The following TNRC6A variants were observed in gnomAD, a reference collection of about 807,000 sequenced individuals.
The protein encoded by TNRC6A is trinucleotide repeat-containing gene 6A protein.
TNRC6A carries 44 observed loss-of-function variants against 221.2 expected under a neutral mutation model. The observed-to-expected ratio is 0.20, with a 90% CI of 0.16 to 0.26. TNRC6A has a LOEUF of 0.26. Ranked by LOEUF, TNRC6A falls within the 10% of genes least tolerant of loss-of-function variation. The pLI, the probability that TNRC6A is intolerant of heterozygous loss-of-function variation, is 1.00. For synonymous variants in TNRC6A, 847 were observed against 838.5 expected (o/e 1.01, Z -0.18); for missense variants, 2,199 against 2,404.4 (o/e 0.91, Z 1.79).
intron 2 of TNRC6A, among the ~76,000 whole-genome samples, chr16:24,654,581 C>A (rs1444831300): frequency 1.3e-5 from 2 of 151,968 alleles, no homozygotes; most frequent in African/African-American, 2.4e-5. Context: ...GTGCTAATGT[C>A]TGTGGCATGC....
chr16:24,743,426 A>G (rs1219250217), intron 2 of TNRC6A, among the ~76,000 whole-genome samples: 3 of 152,084 alleles, frequency 2.0e-5, no homozygotes, highest in African/African-American at 7.2e-5. Context: ...CCCTGGCTCA[A>G]GTGATCTTCC....
Position 24,729,837 on chromosome 16 carries a change from C to T in TNRC6A, c.-5C>T, listed in dbSNP as rs1187205893. 7.2e-7 allele frequency: 1 copy of T among 1,394,020 alleles called. No individual in the cohort carries two copies. The highest frequency in any genetic ancestry group is 9.4e-7 in the Non-Finnish European group (1 of 1,065,062). 86.4% of individuals were successfully genotyped at this position (1,394,020 alleles called of 1,614,324 possible). A position where few individuals can be genotyped will look rare whatever the true frequency, so the allele number is the denominator to read the frequency against. ...GCGCCCCACTTGCTCGTGCACTTTA[C>T]ACACATGAGGTGAGCGGAACAAGGG... On this transcript the variant is annotated 5_prime_UTR_variant, in exon 1 of 25. Transcript: ENST00000395799.
chr16:24,803,236 T>C (rs578238107), intron 11 of TNRC6A, among the ~76,000 whole-genome samples: 1 of 152,060 alleles, frequency 6.6e-6, no homozygotes, highest in African/African-American at 2.4e-5. Flanking sequence ...CTGGCCAACA[T>C]GGGGAAACCC....
chr16:24,736,943 T>G (rs1397767517), intron 2 of TNRC6A, among the ~76,000 whole-genome samples: 1 of 152,232 alleles, frequency 6.6e-6, no homozygotes, highest in East Asian at 1.9e-4. Context: ...TAAAAGTTGC[T>G]TGTTTTCAGC....
chr16:24,823,054 G>C lies in TNRC6A; in HGVS notation c.5513+41G>C. On this transcript the variant is annotated intron_variant, in intron 24 of 24. Coordinates refer to ENST00000395799, the MANE Select transcript of TNRC6A (RefSeq NM_014494.4). The surrounding 1 kb of genome is among the most constrained non-coding windows in gnomAD (Gnocchi z 4.3). The stretch of plus-strand genomic sequence containing the variant: ...GGCTCCCAGTTGGAAGAGTCTAGGG[G>C]AAGGAGTGTGAGAGCACAGCCTGAC... 1 of 1,613,490 alleles carries C rather than the reference G, an allele frequency of 6.2e-7. No homozygotes were observed. The highest frequency in any genetic ancestry group is 8.5e-7 in the Non-Finnish European group (1 of 1,179,634).
At chr16:24,748,345 C>T (rs1472306440) in intron 2 of TNRC6A, among the ~76,000 whole-genome samples, 1 of 152,156 alleles carries the variant, frequency 6.6e-6, no homozygotes, top group East Asian at 1.9e-4. Flanking sequence ...TACTCTGCTG[C>T]TCTCATATGC....
intron 2 of TNRC6A, among the ~76,000 whole-genome samples, chr16:24,731,876 A>G (rs1452006925): frequency 1.3e-5 from 2 of 152,244 alleles, no homozygotes; most frequent in East Asian, 1.9e-4. Flanking sequence ...TGTCCAATCT[A>G]TAAAACGAGC....
intron 2 of TNRC6A, among the ~76,000 whole-genome samples, chr16:24,692,725 T>C (rs1048998735): frequency 1.5e-4 from 23 of 151,874 alleles, no homozygotes; most frequent in Middle Eastern, 3.4e-3. Flanking sequence ...AAAAAAATTA[T>C]ATATATATGT....
At chr16:24,760,864 A>C (rs2057349082) in intron 4 of TNRC6A, among the ~76,000 whole-genome samples, 1 of 152,240 alleles carries the variant, frequency 6.6e-6, no homozygotes, top group Non-Finnish European at 1.5e-5. Context: ...CAAAACTAAA[A>C]AACCAACCAT....
Position 24,797,522 on chromosome 16 carries a change from A to G in TNRC6A, c.3594A>G (p.Glu1198=). 1.2e-6 allele frequency: 2 copies of G among 1,611,788 alleles called. No individual in the cohort carries two copies. Among genetic ancestry groups the G allele is most frequent in the Non-Finnish European group, 1.7e-6 (2 of 1,179,408 alleles). The change falls in exon 10 of 25, where the codon GAA becomes GAG. Residue 1198 remains glutamate (E), a synonymous_variant. Coordinates refer to ENST00000395799, the MANE Select transcript of TNRC6A (RefSeq NM_014494.4). ...GMMKGGNKQE[E]AWINPFVKQF... ...TGAAAGGTGGAAACAAACAAGAAGA[A>G]GCGTGGATAAATCCATTTGTTAAAC...
At chr16:24,735,090 T>A (rs1425559599) in intron 2 of TNRC6A, among the ~76,000 whole-genome samples, 1 of 152,162 alleles carries the variant, frequency 6.6e-6, no homozygotes, top group Non-Finnish European at 1.5e-5. Context: ...AAGACCAGCT[T>A]GGCCAACATG....
intron 2 of TNRC6A, among the ~76,000 whole-genome samples, chr16:24,680,858 T>C (rs2880610): frequency 0.067 from 10,220 of 151,894 alleles, 868 homozygotes; most frequent in East Asian, 0.32. Flanking sequence ...CTGCCTTCCA[T>C]GCTCAAGCAA....
chr16:24,739,829 G>A (rs1005279381), intron 2 of TNRC6A, among the ~76,000 whole-genome samples: 2 of 152,070 alleles, frequency 1.3e-5, no homozygotes, highest in African/African-American at 4.8e-5. Context: ...TTAAAATTTT[G>A]TAAATCTAGT....
Position 24,790,273 on chromosome 16 carries a change from A to G in TNRC6A, c.1631A>G (p.Asp544Gly). Reference sequence around the variant, plus strand: ...GGCCCTAATGGCCAAGCTAATGGTGACACTGTGAATGCAACTCTAATGCAG... The same window carrying G: ...GGCCCTAATGGCCAAGCTAATGGTGGCACTGTGAATGCAACTCTAATGCAG... ...CSGPNGQANGDTVNATLMQPG... is the reference protein window; with the variant it reads ...CSGPNGQANGGTVNATLMQPG... The change falls in exon 6 of 25, where the codon GAC (aspartate) becomes GGC (glycine). Residue 544 changes from aspartate to glycine, a missense_variant. By Grantham distance (94) the Asp-to-Gly change is moderately conservative. Around this residue, in one of 8 missense-constraint regions of TNRC6A, gnomAD observed 1,405 missense variants for 1,400.2 expected, o/e 1.00. Transcript: ENST00000395799. The G allele has an allele frequency of 6.2e-7, 1 of 1,614,232 alleles. No individual in the cohort carries two copies. Among genetic ancestry groups the G allele is most frequent in the Non-Finnish European group, 8.5e-7 (1 of 1,180,044 alleles).
chr16:24,699,599 A>G (rs910283934), intron 2 of TNRC6A, among the ~76,000 whole-genome samples: 1 of 151,944 alleles, frequency 6.6e-6, no homozygotes, highest in African/African-American at 2.4e-5. Flanking sequence ...TGCACCTGTC[A>G]TCTCAGATAC....
At chr16:24,703,082 T>C (rs1288514588) in intron 2 of TNRC6A, among the ~76,000 whole-genome samples, 6 of 146,114 alleles carry the variant, frequency 4.1e-5, no homozygotes, top group Non-Finnish European at 7.7e-5. Context: ...AAATAAAGCA[T>C]CCAATTCAAT....
At chr16:24,783,527 A>AAT (rs113077368) in intron 5 of TNRC6A, among the ~76,000 whole-genome samples, 2 of 145,448 alleles carry the variant, frequency 1.4e-5, no homozygotes, top group Non-Finnish European at 3.0e-5. Flanking sequence ...ATTATGTACA[A>AAT]TTTTTTTTTT....
chr16:24,632,613 G>C (rs1228384898), intron 1 of TNRC6A, among the ~76,000 whole-genome samples: 2 of 152,052 alleles, frequency 1.3e-5, no homozygotes, highest in African/African-American at 2.4e-5. Flanking sequence ...CCTCACTACA[G>C]ACTTTTCATC....
intron 20 of TNRC6A, among the ~76,000 whole-genome samples, chr16:24,817,761 AT>A (rs2058684283): frequency 6.6e-6 from 1 of 152,174 alleles, no homozygotes; most frequent in Non-Finnish European, 1.5e-5. Flanking sequence ...TAGACGTGTA[AT>A]TTACAGAGGT....
Sources: allele counts gnomAD v4.1 joint callset (sites outside exome capture counted in the v4.1 genomes callset), GRCh38; gene constraint gnomAD v4.1.1; regional missense constraint gnomAD v4.1.1; non-coding constraint Gnocchi (gnomAD v3.1); transcripts MANE v1.5; gene names NCBI Gene and HGNC (gene_info 2026-07-23, HGNC 2026-07-21).